MYT1: variants seen among roughly 807,000 people sequenced by gnomAD.
MYT1 encodes myelin transcription factor I.
A neutral mutation model predicts 123.0 loss-of-function variants in MYT1; 23 were observed. That is an observed-to-expected ratio of 0.19 (90% CI 0.13 to 0.26). The LOEUF is 0.26. MYT1 is among the 10% of genes least tolerant of loss of function. MYT1 has a pLI of 1.00. For synonymous variants in MYT1, 518 were observed against 575.3 expected (o/e 0.90, Z 1.43); for missense variants, 1,125 against 1,472.5 (o/e 0.76, Z 3.86).
In MYT1 at chr20:64,186,380, C is replaced by G. The variant is rs1379140470; in HGVS notation, c.-98-3683C>G. Among the ~76,000 whole-genome samples, 10 of 152,272 alleles carry G rather than the reference C, an allele frequency of 6.6e-5. No individual in the cohort carries two copies. The highest frequency in any genetic ancestry group is 2.0e-4 in the Admixed American group (3 of 15,302). On this transcript the variant is annotated intron_variant, in intron 1 of 22. Coordinates refer to ENST00000328439, the MANE Select transcript of MYT1 (RefSeq NM_004535.3). This position sits in a 1 kb window ranked among gnomAD's most constrained non-coding sequence, Gnocchi z 4.3. ...TCCGTTTCCCATTCGCATCCACGAG[C>G]AGGGATTCAGATTAACTCACTAGAA...
intron 20 of MYT1, 26 bp from the exon 21 acceptor site, chr20:64,237,261 A>T: frequency 6.2e-7 from 1 of 1,600,064 alleles, no homozygotes; most frequent in Non-Finnish European, 8.5e-7. Context: ...GCCCAAAGCC[A>T]CAACTGAGGT....
rs1982123975 is a variant in MYT1, at chr20:64,167,701, G to T, written c.-99+2962G>T. On this transcript the variant is annotated intron_variant, in intron 1 of 22. Coordinates refer to ENST00000328439, the MANE Select transcript of MYT1 (RefSeq NM_004535.3). The surrounding 1 kb of genome is among the most constrained non-coding windows in gnomAD (Gnocchi z 6.3). ...GGCGGGAGAGTGGAGCAGGGTGCCC[G>T]CAGGGGCTGGGGGGGCTCTTCTCTT... is the stretch of plus-strand genomic sequence containing the variant. 6.6e-6 allele frequency among the ~76,000 whole-genome samples: 1 copy of T among 152,210 alleles called. No individual in the cohort carries two copies. The highest frequency in any genetic ancestry group is 1.5e-5 in the Non-Finnish European group (1 of 68,034).
rs1982096852 is a variant in MYT1 at position 64,166,799 on chromosome 20, G to A, written c.-99+2060G>A. 6.6e-6 allele frequency among the ~76,000 whole-genome samples: 1 copy of A among 152,196 alleles called. No individual in the cohort carries two copies. The highest frequency in any genetic ancestry group is 2.4e-5 in the African/African-American group (1 of 41,442). Reference sequence around the variant, plus strand: ...GCAAAGTTGCTCTGGTCTGGGGGTTGCAGCAGCCTCTACTTGGAAGCTCTG... The same window carrying A: ...GCAAAGTTGCTCTGGTCTGGGGGTTACAGCAGCCTCTACTTGGAAGCTCTG... On this transcript the variant is annotated intron_variant, in intron 1 of 22. Coordinates refer to ENST00000328439, the MANE Select transcript of MYT1 (RefSeq NM_004535.3). The surrounding 1 kb of genome is among the most constrained non-coding windows in gnomAD (Gnocchi z 4.9).
At chr20:64,210,035 A>T (rs1299034425) in intron 7 of MYT1, among the ~76,000 whole-genome samples, 69 of 152,322 alleles carry the variant, frequency 4.5e-4, no homozygotes, top group Non-Finnish European at 9.1e-4. Context: ...CGGGGTGGTT[A>T]CTAGCCTGGC....
chr20:64,227,749 C>A, intron 17 of MYT1, 139 bp from the exon 18 acceptor site: 1 of 809,746 alleles, frequency 1.2e-6, no homozygotes. Context: ...CTGCTTCTTA[C>A]AACTGACCCA....
At position 64,217,053 on chromosome 20, in the gene MYT1, G is replaced by A. The variant is rs757173357; in HGVS notation, c.1632-14G>A. ...CCCATCTCACTGGCTGTGCATCCCT[G>A]TACTGCACCCCAGGCCCATGTGCTT... On this transcript the variant is annotated splice_polypyrimidine_tract_variant and intron_variant, in intron 10 of 22. Coordinates refer to ENST00000328439, the MANE Select transcript of MYT1 (RefSeq NM_004535.3). 2.5e-6 allele frequency: 4 copies of A among 1,611,030 alleles called. No homozygotes were observed. Among genetic ancestry groups the A allele is most frequent in the Non-Finnish European group, 3.4e-6 (4 of 1,178,912 alleles).
In MYT1 at chr20:64,218,296, A is replaced by G. The variant is rs768956764; in HGVS notation, c.1847-615A>G. 6.6e-6 allele frequency among the ~76,000 whole-genome samples: 1 copy of G among 152,218 alleles called. No individual in the cohort carries two copies. The highest frequency in any genetic ancestry group is 1.5e-5 in the Non-Finnish European group (1 of 68,036). On this transcript the variant is annotated intron_variant, in intron 11 of 22. Transcript: ENST00000328439. This position sits in a 1 kb window ranked among gnomAD's most constrained non-coding sequence, Gnocchi z 4.0. Reference sequence around the variant, plus strand: ...GATTGCTGAGAACATCGTGCATGAGAGTGATTTTGCAGCTACAGTACAATT... The same window carrying G: ...GATTGCTGAGAACATCGTGCATGAGGGTGATTTTGCAGCTACAGTACAATT...
chr20:64,235,798 A>C (rs868086614), intron 19 of MYT1, among the ~76,000 whole-genome samples: 690 of 12,992 alleles, frequency 0.053, 9 homozygotes, highest in Middle Eastern at 0.33. Flanking sequence ...GGTGGGTGAC[A>C]CTGGGCTGGC....
chr20:64,205,492 G>A, intron 5 of MYT1, 61 bp from the exon 6 acceptor site: 16 of 1,589,062 alleles, frequency 1.0e-5, no homozygotes, highest in Non-Finnish European at 1.4e-5. Flanking sequence ...GGCTCATGGG[G>A]TGTCTGAGGC....
chr20:64,180,598 C>G (rs1982625594), intron 1 of MYT1, among the ~76,000 whole-genome samples: 1 of 152,212 alleles, frequency 6.6e-6, no homozygotes. Context: ...GGCTCTGGTG[C>G]TGGGGAGCCT....
At position 64,218,452 on chromosome 20, in the gene MYT1, T is replaced by G. The variant is rs1365351128; in HGVS notation, c.1847-459T>G. Among the ~76,000 whole-genome samples the G allele has an allele frequency of 6.6e-6, 1 of 152,236 alleles. No individual in the cohort carries two copies. The highest frequency in any genetic ancestry group is 1.5e-5 in the Non-Finnish European group (1 of 68,044). ...ATATGGGTACACCCTTTTGAGATCATGGGACAAAATTTTCCTATTTGGGCG... is the reference window on the plus strand; with the variant it reads ...ATATGGGTACACCCTTTTGAGATCAGGGGACAAAATTTTCCTATTTGGGCG... On this transcript the variant is annotated intron_variant, in intron 11 of 22. Transcript: ENST00000328439. This position sits in a 1 kb window ranked among gnomAD's most constrained non-coding sequence, Gnocchi z 4.0.
rs751529758 is a variant in MYT1 at position 64,211,267 on chromosome 20, C to T, written c.1353C>T (p.Gly451=). Residue 451 remains glycine, a synonymous_variant, in exon 8 of 23, where the codon GGC becomes GGT. Transcript: ENST00000328439. ...CAACACCAGGCTGTGATGGCACTGG[C>T]CACGTTACCGGGTTGTACCCTCACC... ...KCPTPGCDGT[G]HVTGLYPHHR... is the part of the protein sequence containing the mutation. 6.2e-7 allele frequency: 1 copy of T among 1,614,134 alleles called. No individual in the cohort carries two copies. The highest frequency in any genetic ancestry group is 1.3e-5 in the African/African-American group (1 of 75,064).
intron 1 of MYT1, among the ~76,000 whole-genome samples, chr20:64,180,616 C>T (rs2145696229): frequency 1.3e-5 from 2 of 152,340 alleles, no homozygotes; most frequent in South Asian, 4.1e-4. Context: ...CCTCACTGGC[C>T]AGTTGCCCAG....
chr20:64,204,530 T>C (rs914980157), intron 4 of MYT1, among the ~76,000 whole-genome samples: 5 of 152,206 alleles, frequency 3.3e-5, no homozygotes, highest in African/African-American at 1.2e-4. Context: ...GGGCCACAGA[T>C]TCCTTTCTGC....
In MYT1 at chr20:64,218,922, T is replaced by C. The variant is rs1439776655; in HGVS notation, c.1858T>C (p.Ser620Pro). 1.2e-5 allele frequency: 19 copies of C among 1,613,574 alleles called. No individual in the cohort carries two copies. The highest frequency in any genetic ancestry group is 1.5e-5 in the Non-Finnish European group (18 of 1,180,050). ...SPKAFQCFDY[S>P]QDAEAAHMAA... ...ATCCTCTTCTGCAGGCTTTGACTAC[T>C]CGCAGGACGCCGAGGCTGCACACAT... Residue 620 changes from serine to proline, a missense_variant, in exon 12 of 23, where the codon TCG (serine) becomes CCG (proline). Coordinates refer to ENST00000328439, the MANE Select transcript of MYT1 (RefSeq NM_004535.3). This position sits in a 1 kb window ranked among gnomAD's most constrained non-coding sequence, Gnocchi z 4.0.
rs780876503 is a variant in MYT1, at chr20:64,219,849, G to A, written c.2108G>A (p.Arg703His). Residue 703 changes from arginine (R) to histidine (H), a missense_variant, in exon 13 of 23, where the codon CGC becomes CAC. By Grantham distance (29) the Arg-to-His change is conservative (BLOSUM62 0). Coordinates refer to ENST00000328439, the MANE Select transcript of MYT1 (RefSeq NM_004535.3). Reference sequence around the variant, plus strand: ...GTGAAGTCTCCCGACGCCTCCCAGCGCCACAGCAGCACCAGCGCCCCCAGC... The same window carrying A: ...GTGAAGTCTCCCGACGCCTCCCAGCACCACAGCAGCACCAGCGCCCCCAGC... ...PGVKSPDASQRHSSTSAPSSS... is the reference protein window; with the variant it reads ...PGVKSPDASQHHSSTSAPSSS... 14 of 1,607,814 alleles carry A rather than the reference G, an allele frequency of 8.7e-6. No homozygotes were observed. Among genetic ancestry groups the A allele is most frequent in the Middle Eastern group, 1.7e-4 (1 of 6,056 alleles).
chr20:64,236,711 C>T lies in MYT1; in HGVS notation c.2989+65C>T. 3.6e-6 allele frequency: 5 copies of T among 1,394,986 alleles called. No homozygotes were observed. In the South Asian group the frequency reaches 5.8e-5, roughly 16 times the overall value. 86.4% of individuals were successfully genotyped at this position (1,394,986 alleles called of 1,614,324 possible). A position where few individuals can be genotyped will look rare whatever the true frequency, so the allele number is the denominator to read the frequency against. ...TGCCAGGGTAAGTGAGAGCTGTGCA[C>T]CTTTTGTGCTGGTGGGAAGAAGGTT... On this transcript the variant is annotated intron_variant, in intron 20 of 22. Transcript: ENST00000328439.
At position 64,241,293 on chromosome 20, in the gene MYT1, G is replaced by C. The variant is rs1984711055; in HGVS notation, c.*845G>C. 1.3e-5 allele frequency: 2 copies of C among 152,274 alleles called. No homozygotes were observed. The highest frequency in any genetic ancestry group is 2.4e-5 in the African/African-American group (1 of 41,442). The allele number at this position is 152,274 out of a possible 1,614,324, so 9.4% of individuals were successfully genotyped here. On this transcript the variant is annotated 3_prime_UTR_variant, in exon 23 of 23. Coordinates refer to ENST00000328439, the MANE Select transcript of MYT1 (RefSeq NM_004535.3). The surrounding 1 kb of genome is among the most constrained non-coding windows in gnomAD (Gnocchi z 4.2). Reference sequence around the variant, plus strand: ...CGAGCTTGACCTCTGCATCCATGGTGACGGAGGTGGCAATGACATCATCAA... The same window carrying C: ...CGAGCTTGACCTCTGCATCCATGGTCACGGAGGTGGCAATGACATCATCAA...
chr20:64,213,511 A>G lies in MYT1; in HGVS notation c.1518-23A>G. ...CAGGCATGGAGGGGAAGGCTCAGAAACCCCTCCTCTTCCTTCCTCTAGTTT... is the reference window on the plus strand; with the variant it reads ...CAGGCATGGAGGGGAAGGCTCAGAAGCCCCTCCTCTTCCTTCCTCTAGTTT... On this transcript the variant is annotated intron_variant, in intron 9 of 22. Coordinates refer to ENST00000328439, the MANE Select transcript of MYT1 (RefSeq NM_004535.3). The surrounding 1 kb of genome is among the most constrained non-coding windows in gnomAD (Gnocchi z 5.6). 149 of 1,474,214 alleles carry G rather than the reference A, an allele frequency of 1.0e-4. No homozygotes were observed. The highest frequency in any genetic ancestry group is 1.3e-4 in the Non-Finnish European group (135 of 1,053,100). The allele number at this position is 1,474,214 out of a possible 1,614,324, so 91.3% of individuals were successfully genotyped here. A position where few individuals can be genotyped will look rare whatever the true frequency, so the allele number is the denominator to read the frequency against.
Sources: allele counts gnomAD v4.1 joint callset (sites outside exome capture counted in the v4.1 genomes callset), GRCh38; gene constraint gnomAD v4.1.1; non-coding constraint Gnocchi (gnomAD v3.1); transcripts MANE v1.5; gene names NCBI Gene and HGNC (gene_info 2026-07-23, HGNC 2026-07-21).